The following SLC9A9 variants were observed in gnomAD, a reference collection of about 807,000 sequenced individuals.
SLC9A9 encodes solute carrier family 9 member A9.
Under a neutral mutation model 77.8 loss-of-function variants are expected in SLC9A9, and 62 were observed. That is an observed-to-expected ratio of 0.80 (90% CI 0.65 to 0.98). The LOEUF (loss-of-function observed/expected upper bound fraction) is 0.98, where lower values mean the gene tolerates loss of function less well. Among genes scored for constraint, SLC9A9 ranks in the 50% least tolerant of loss-of-function variants. The probability of loss-of-function intolerance (pLI) is 0.00; values close to 1 mark genes in which losing one functional copy is unlikely to be tolerated. For missense variants in SLC9A9, 775 were observed against 774.9 expected (o/e 1.00, Z 0.00); for synonymous variants, 320 against 283.5 (o/e 1.13, Z -1.29).
At position 143,432,140 on chromosome 3, in the gene SLC9A9, T is replaced by C. The variant is rs2034528682; in HGVS notation, c.1469+34897A>G. 2.6e-5 allele frequency among the ~76,000 whole-genome samples: 4 copies of C among 152,336 alleles called. No individual in the cohort carries two copies. The South Asian group carries it at 6.2e-4, about 24-fold the overall frequency. ...CTAATTTCTCACGGCTTATTTTCTC[T>C]TGCCAAAATGAAAACACCCTGAGCA... is the stretch of plus-strand genomic sequence containing the variant. On this transcript the variant is annotated intron_variant, in intron 12 of 15. Coordinates refer to ENST00000316549, the MANE Select transcript of SLC9A9 (RefSeq NM_173653.4).
At chr3:143,401,191 T>C (rs1397675432) in intron 12 of SLC9A9, among the ~76,000 whole-genome samples, 2 of 152,110 alleles carry the variant, frequency 1.3e-5, no homozygotes, top group African/African-American at 4.8e-5. Flanking sequence ...AGGGTATCTA[T>C]TTCTTCCTTC....
intron 14 of SLC9A9, among the ~76,000 whole-genome samples, chr3:143,270,062 T>G (rs1480118490): frequency 6.6e-6 from 1 of 152,222 alleles, no homozygotes; most frequent in Non-Finnish European, 1.5e-5. Context: ...GCCATGCACC[T>G]GAACGAAGCC....
Position 143,819,507 on chromosome 3 carries a change from G to C in SLC9A9, c.378+12512C>G, listed in dbSNP as rs1367807152. Among the ~76,000 whole-genome samples the C allele has an allele frequency of 3.3e-5, 5 of 152,186 alleles. No individual in the cohort carries two copies. The East Asian group carries it at 9.6e-4, about 29-fold the overall frequency. On this transcript the variant is annotated intron_variant, in intron 2 of 15. Transcript: ENST00000316549. ...TCTGTTGTAAATCAAACTTGACCAA[G>C]TCACTTAAGCTTCCAGAACTTTGGT...
At chr3:143,748,488 T>C (rs1264958867) in intron 4 of SLC9A9, among the ~76,000 whole-genome samples, 2 of 152,202 alleles carry the variant, frequency 1.3e-5, no homozygotes, top group Non-Finnish European at 1.5e-5. Context: ...TTTCTTTTCA[T>C]GAAAATTCCC....
chr3:143,433,377 G>GTA (rs1313470699), intron 12 of SLC9A9, among the ~76,000 whole-genome samples: 1 of 152,114 alleles, frequency 6.6e-6, no homozygotes, highest in Non-Finnish European at 1.5e-5. Context: ...TTTTGACTCT[G>GTA]CTTATCTCTT....
At chr3:143,698,324 C>T (rs1451377493) in intron 4 of SLC9A9, among the ~76,000 whole-genome samples, 1 of 152,166 alleles carries the variant, frequency 6.6e-6, no homozygotes, top group Non-Finnish European at 1.5e-5. Context: ...TTGATTTCAA[C>T]AAATATCCAA....
chr3:143,517,847 C>G, intron 9 of SLC9A9: 4 of 1,600,402 alleles, frequency 2.5e-6, no homozygotes, highest in Non-Finnish European at 3.4e-6. Flanking sequence ...CTGGAGTTCA[C>G]CATCGTTTAG....
At chr3:143,839,729 A>G (rs1241659204) in intron 1 of SLC9A9, among the ~76,000 whole-genome samples, 4 of 152,232 alleles carry the variant, frequency 2.6e-5, no homozygotes, top group African/African-American at 7.2e-5. Context: ...GCTTATATAT[A>G]GCTAACATCC....
At position 143,770,519 on chromosome 3, in the gene SLC9A9, G is replaced by C. The variant is rs200962362; in HGVS notation, c.533+24482C>G. ...TTGTGTTGGGAGGAGTCTGGGGGAG[G>C]GTAAGGTTAGAGCCTTACATCACAA... On this transcript the variant is annotated intron_variant, in intron 4 of 15. Transcript: ENST00000316549. 3.3e-5 allele frequency among the ~76,000 whole-genome samples: 5 copies of C among 152,024 alleles called. No individual in the cohort carries two copies. In the East Asian group the frequency reaches 9.7e-4, roughly 29 times the overall value.
intron 8 of SLC9A9, among the ~76,000 whole-genome samples, chr3:143,569,925 C>G (rs914772962): frequency 6.6e-6 from 1 of 151,308 alleles, no homozygotes; most frequent in Non-Finnish European, 1.5e-5. Flanking sequence ...ATCCTCCTGC[C>G]TCAGCCTCCC....
At chr3:143,410,334 G>GCC (rs2034069101) in intron 12 of SLC9A9, among the ~76,000 whole-genome samples, 1 of 152,164 alleles carries the variant, frequency 6.6e-6, no homozygotes, top group Non-Finnish European at 1.5e-5. Flanking sequence ...ACCTCTTACA[G>GCC]CCCCCTGCCT....
chr3:143,289,482 A>T (rs75961127), intron 14 of SLC9A9, among the ~76,000 whole-genome samples: 2,347 of 152,194 alleles, frequency 0.015, 56 homozygotes, highest in African/African-American at 0.052. Flanking sequence ...AGCTCACTGT[A>T]TCGCTTTCTC....
intron 14 of SLC9A9, among the ~76,000 whole-genome samples, chr3:143,287,227 A>G (rs930193156): frequency 6.6e-6 from 1 of 152,184 alleles, no homozygotes; most frequent in African/African-American, 2.4e-5. Context: ...GCAAAAGCTG[A>G]TAACATTCCC....
chr3:143,557,389 G>A (rs994892930), intron 8 of SLC9A9, among the ~76,000 whole-genome samples: 1 of 152,164 alleles, frequency 6.6e-6, no homozygotes, highest in African/African-American at 2.4e-5. Context: ...GGGGTGGGGT[G>A]TTTTTATAAG....
chr3:143,343,796 G>A (rs190741786), intron 14 of SLC9A9, among the ~76,000 whole-genome samples: 2 of 152,150 alleles, frequency 1.3e-5, no homozygotes, highest in African/African-American at 4.8e-5. Flanking sequence ...CCAACAAGGA[G>A]TCTTTGTGCT....
chr3:143,351,993 T>C (rs977641266), intron 14 of SLC9A9, among the ~76,000 whole-genome samples: 6 of 152,204 alleles, frequency 3.9e-5, no homozygotes, highest in African/African-American at 1.4e-4. Flanking sequence ...CTTCTGAGCT[T>C]GTACTGCTAG....
chr3:143,726,349 A>G (rs947241049), intron 4 of SLC9A9, among the ~76,000 whole-genome samples: 6 of 152,104 alleles, frequency 3.9e-5, no homozygotes, highest in African/African-American at 1.4e-4. Context: ...TTCTGGGCAT[A>G]ATGGGAAGGC....
intron 13 of SLC9A9, among the ~76,000 whole-genome samples, chr3:143,373,594 C>T (rs1431239716): frequency 8.4e-5 from 8 of 95,174 alleles, no homozygotes; most frequent in Non-Finnish European, 6.3e-5. Context: ...TCCCCAAAGC[C>T]ACTGAAATAG....
At chr3:143,403,999 C>T (rs2033915888) in intron 12 of SLC9A9, among the ~76,000 whole-genome samples, 1 of 151,992 alleles carries the variant, frequency 6.6e-6, no homozygotes, top group South Asian at 2.1e-4. Context: ...ATTATCCGCT[C>T]ATTTTTTCTT....
Sources: gnomAD v4.1 joint callset for allele counts (sites outside exome capture counted in the v4.1 genomes callset) on GRCh38, gnomAD v4.1.1 for gene constraint, MANE v1.5 for transcripts, NCBI Gene and HGNC (gene_info 2026-07-23, HGNC 2026-07-21) for gene names.